Variants in CCSER2 observed in about 807,000 individuals in gnomAD.
CCSER2 encodes coiled-coil serine rich protein 2, also known as serine-rich coiled-coil domain-containing protein 2.
A neutral mutation model predicts 92.3 loss-of-function variants in CCSER2; 46 were observed. The observed-to-expected ratio is 0.50, with a 90% CI of 0.39 to 0.64. The LOEUF (loss-of-function observed/expected upper bound fraction) is 0.64. CCSER2 is among the 30% of genes least tolerant of loss of function. The pLI is 0.00. For synonymous variants in CCSER2, 433 were observed against 431.4 expected (o/e 1.00, Z -0.04); for missense variants, 1,244 against 1,238.9 (o/e 1.00, Z -0.06).
At chr10:84,507,097 T>A (rs1257646806) in intron 9 of CCSER2, among the ~76,000 whole-genome samples, 6 of 152,210 alleles carry the variant, frequency 3.9e-5, no homozygotes, top group Non-Finnish European at 8.8e-5. Flanking sequence ...TAAGAAAGTA[T>A]AAATCTATTT....
rs564582017 is a variant in CCSER2 at position 84,516,842 on chromosome 10, G to T, written c.*2575G>T. 1 of 152,050 alleles carries T rather than the reference G, an allele frequency of 6.6e-6. No individual in the cohort carries two copies. Among genetic ancestry groups the T allele is most frequent in the Admixed American group, 6.6e-5 (1 of 15,262 alleles). 9.4% of individuals were successfully genotyped at this position (152,050 alleles called of 1,614,324 possible). On this transcript the variant is annotated 3_prime_UTR_variant, in exon 10 of 10. Coordinates refer to ENST00000372088, the MANE Select transcript of CCSER2 (RefSeq NM_001284240.2). ...TAATCTTTTAGAAGATAGGCTTATC[G>T]TATATTTATGAAGCATAATATATTA...
Position 84,371,810 on chromosome 10 carries a change from C to T in CCSER2, c.758C>T (p.Pro253Leu). 6.2e-7 allele frequency: 1 copy of T among 1,613,878 alleles called. No homozygotes were observed. The highest frequency in any genetic ancestry group is 8.5e-7 in the Non-Finnish European group (1 of 1,179,884). The change falls in exon 2 of 10, where the codon CCT becomes CTT. Residue 253 changes from proline to leucine, a missense_variant. Pro to Leu is a moderately conservative substitution (Grantham distance 98). Coordinates refer to ENST00000372088, the MANE Select transcript of CCSER2 (RefSeq NM_001284240.2). ...SFNRAVDLTK[P>L]YQNQQLSIRV... ...AATAGAGCTGTGGATCTTACAAAGC[C>T]TTATCAGAACCAACAGCTATCCATT...
chr10:84,362,831 T>C (rs1228592116), intron 1 of CCSER2, among the ~76,000 whole-genome samples: 1 of 150,970 alleles, frequency 6.6e-6, no homozygotes, highest in Non-Finnish European at 1.5e-5. Flanking sequence ...TTATTTTATT[T>C]TAATTTATTT....
intron 5 of CCSER2, among the ~76,000 whole-genome samples, chr10:84,431,898 T>G (rs987888335): frequency 2.0e-5 from 3 of 152,252 alleles, no homozygotes; most frequent in African/African-American, 7.2e-5. Flanking sequence ...CGTACATTTT[T>G]CACCTCATTT....
intron 9 of CCSER2, among the ~76,000 whole-genome samples, chr10:84,488,532 G>T (rs1416323772): frequency 6.6e-6 from 1 of 152,150 alleles, no homozygotes; most frequent in Non-Finnish European, 1.5e-5. Flanking sequence ...TTGCATAGAG[G>T]TGTTTATGGT....
intron 6 of CCSER2, among the ~76,000 whole-genome samples, chr10:84,445,716 A>T (rs945125514): frequency 6.6e-6 from 1 of 152,226 alleles, no homozygotes; most frequent in Non-Finnish European, 1.5e-5. Context: ...GAAATAATAT[A>T]GGATATACTT....
At chr10:84,448,118 C>T (rs1014115406) in intron 6 of CCSER2, among the ~76,000 whole-genome samples, 1 of 152,078 alleles carries the variant, frequency 6.6e-6, no homozygotes. Flanking sequence ...CCTTCTCACT[C>T]TGCTTGGCCT....
intron 6 of CCSER2, among the ~76,000 whole-genome samples, chr10:84,449,346 G>A (rs1845126851): frequency 6.6e-6 from 1 of 152,162 alleles, no homozygotes; most frequent in Non-Finnish European, 1.5e-5. Flanking sequence ...GTGCACTCCA[G>A]CCTGGGCAAC....
At chr10:84,447,956 G>A (rs1845031049) in intron 6 of CCSER2, among the ~76,000 whole-genome samples, 2 of 152,056 alleles carry the variant, frequency 1.3e-5, no homozygotes, top group Non-Finnish European at 2.9e-5. Context: ...ACCATACCCG[G>A]CTATTTTTGT....
intron 9 of CCSER2, among the ~76,000 whole-genome samples, chr10:84,504,311 T>C (rs1848927434): frequency 6.6e-6 from 1 of 151,510 alleles, no homozygotes; most frequent in Admixed American, 6.6e-5. Flanking sequence ...TTTTTTTTTT[T>C]GCAGAAATAC....
At chr10:84,485,057 T>C (rs1436867126) in intron 9 of CCSER2, among the ~76,000 whole-genome samples, 1 of 152,204 alleles carries the variant, frequency 6.6e-6, no homozygotes, top group Non-Finnish European at 1.5e-5. Context: ...AAAGTATCCA[T>C]TGGAAGAAGC....
intron 9 of CCSER2, among the ~76,000 whole-genome samples, chr10:84,484,072 C>T (rs1279703554): frequency 1.3e-5 from 2 of 148,706 alleles, no homozygotes; most frequent in South Asian, 2.1e-4. Context: ...CTCCCGGGTT[C>T]ACACCATTCC....
At chr10:84,456,664 T>A (rs570871586) in intron 6 of CCSER2, among the ~76,000 whole-genome samples, 1 of 152,302 alleles carries the variant, frequency 6.6e-6, no homozygotes, top group South Asian at 2.1e-4. Flanking sequence ...ACTACCAAAC[T>A]GTTTTCCTTG....
intron 8 of CCSER2, among the ~76,000 whole-genome samples, chr10:84,471,113 T>C (rs1846767305): frequency 6.6e-6 from 1 of 152,072 alleles, no homozygotes; most frequent in Admixed American, 6.5e-5. Flanking sequence ...AAGAGCACAT[T>C]TTGGTCTAAC....
At chr10:84,468,770 A>G (rs1423376047) in intron 7 of CCSER2, among the ~76,000 whole-genome samples, 1 of 151,128 alleles carries the variant, frequency 6.6e-6, no homozygotes, top group African/African-American at 2.4e-5. Flanking sequence ...TTCTCTTTCT[A>G]AGGATCATTT....
chr10:84,336,836 C>T (rs1174515476), intron 1 of CCSER2, among the ~76,000 whole-genome samples: 1 of 145,552 alleles, frequency 6.9e-6, no homozygotes, highest in East Asian at 1.9e-4. Flanking sequence ...AGCAGTAATC[C>T]TAAGTGGGAG....
intron 3 of CCSER2, among the ~76,000 whole-genome samples, chr10:84,414,214 A>T (rs1842786445): frequency 6.6e-6 from 1 of 152,096 alleles, no homozygotes. Context: ...TATTTTGCAG[A>T]CTTGTTTATG....
rs765085648 is a variant in CCSER2, at chr10:84,513,427, ATGT to A, written c.2326-17_2326-15del. The A allele has an allele frequency of 1.3e-6, 2 of 1,538,760 alleles. No homozygotes were observed. The highest frequency in any genetic ancestry group is 2.8e-5 in the African/African-American group (2 of 72,080). On this transcript the variant is annotated intron_variant, in intron 9 of 9. Transcript: ENST00000372088. ...TGGAATTTCTAAGAACTTGCTGCTA[ATGT>A]TGTTTTTAATTTTAACAGCCTCAAG...
At position 84,371,876 on chromosome 10, in the gene CCSER2, G is replaced by A. The variant is rs753186549; in HGVS notation, c.824G>A (p.Arg275Gln). 127 of 1,613,564 alleles carry A rather than the reference G, an allele frequency of 7.9e-5. No homozygotes were observed. The highest frequency in any genetic ancestry group is 1.0e-4 in the Non-Finnish European group (123 of 1,179,750). ...TCAAGTATGCTAACAAGAAATTCCC[G>A]GCAGCCAGAAGTACTCAATGGGAAT... The part of the protein sequence containing the change: ...LRSSMLTRNS[R>Q]QPEVLNGNEH... The change falls in exon 2 of 10, where the codon CGG becomes CAG. Residue 275 changes from arginine to glutamine, a missense_variant. Coordinates refer to ENST00000372088, the MANE Select transcript of CCSER2 (RefSeq NM_001284240.2).
Sources: allele counts gnomAD v4.1 joint callset (sites outside exome capture counted in the v4.1 genomes callset), GRCh38; gene constraint gnomAD v4.1.1; transcripts MANE v1.5; gene names NCBI Gene and HGNC (gene_info 2026-07-23, HGNC 2026-07-21).